LRMDA: variants seen among roughly 807,000 people sequenced by gnomAD.
LRMDA encodes leucine-rich melanocyte differentiation-associated protein.
Under a neutral mutation model 29.8 loss-of-function variants are expected in LRMDA, and 18 were observed. The observed-to-expected ratio is 0.60, with a 90% CI of 0.42 to 0.90. The LOEUF (loss-of-function observed/expected upper bound fraction) is 0.90. Ranked by LOEUF, LRMDA falls within the 40% of genes least tolerant of loss-of-function variation. The pLI is 0.00. For missense variants in LRMDA, 273 were observed against 273.9 expected, an observed-to-expected ratio of 1.00 and a Z score of 0.02; for synonymous variants, 125 against 109.4, an observed-to-expected ratio of 1.14 and a Z score of -0.89.
At chr10:76,507,701 T>C (rs1342055915) in intron 6 of LRMDA, among the ~76,000 whole-genome samples, 1 of 152,168 alleles carries the variant, frequency 6.6e-6, no homozygotes, top group Non-Finnish European at 1.5e-5. Context: ...CTAATTTTAT[T>C]GTTCTGCATA....
At chr10:76,379,029 A>G (rs1256794102) in intron 6 of LRMDA, among the ~76,000 whole-genome samples, 2 of 150,802 alleles carry the variant, frequency 1.3e-5, no homozygotes, top group African/African-American at 2.4e-5. Context: ...GCTACTTTTT[A>G]TATTTTTAGT....
chr10:75,931,213 G>T (rs1016496736), intron 2 of LRMDA, among the ~76,000 whole-genome samples: 2 of 152,178 alleles, frequency 1.3e-5, no homozygotes, highest in East Asian at 1.9e-4. Flanking sequence ...ACGGTCTGAA[G>T]ATGTCATGGG....
intron 6 of LRMDA, among the ~76,000 whole-genome samples, chr10:76,493,285 C>T (rs1386926398): frequency 6.6e-6 from 1 of 151,962 alleles, no homozygotes; most frequent in African/African-American, 2.4e-5. Context: ...TCACCATTAC[C>T]ACAGGCCCAT....
intron 2 of LRMDA, among the ~76,000 whole-genome samples, chr10:75,711,739 A>G (rs1842438506): frequency 6.6e-6 from 1 of 152,160 alleles, no homozygotes; most frequent in Admixed American, 6.5e-5. Flanking sequence ...TTTGAATTAC[A>G]AGCACATACT....
intron 6 of LRMDA, among the ~76,000 whole-genome samples, chr10:76,493,808 A>G (rs1312393187): frequency 1.3e-5 from 2 of 152,072 alleles, no homozygotes; most frequent in Admixed American, 1.3e-4. Flanking sequence ...ATTGTCTTAA[A>G]TCTATAGAAA....
intron 2 of LRMDA, among the ~76,000 whole-genome samples, chr10:75,572,074 C>T (rs1404065421): frequency 2.0e-5 from 3 of 152,126 alleles, no homozygotes; most frequent in African/African-American, 7.2e-5. Context: ...TTGCCTCAGC[C>T]TCCTGAGTAG....
intron 6 of LRMDA, among the ~76,000 whole-genome samples, chr10:76,479,716 TG>T (rs1842717000): frequency 6.6e-6 from 1 of 151,952 alleles, no homozygotes; most frequent in Admixed American, 6.6e-5. Flanking sequence ...TCAAAAAATT[TG>T]CTTTGATTTA....
At chr10:75,651,608 G>A (rs1436264375) in intron 2 of LRMDA, among the ~76,000 whole-genome samples, 1 of 152,188 alleles carries the variant, frequency 6.6e-6, no homozygotes, top group East Asian at 1.9e-4. Flanking sequence ...TTCAAGCTGT[G>A]TTAGAAGAGG....
chr10:75,538,303 C>T (rs775280745), intron 2 of LRMDA, among the ~76,000 whole-genome samples: 1 of 152,110 alleles, frequency 6.6e-6, no homozygotes, highest in East Asian at 1.9e-4. Flanking sequence ...AGCGGTGCAG[C>T]GATTTGGCCG....
At chr10:75,681,491 C>T (rs536651711) in intron 2 of LRMDA, among the ~76,000 whole-genome samples, 4 of 152,260 alleles carry the variant, frequency 2.6e-5, no homozygotes, top group East Asian at 3.9e-4. Context: ...TGCAGGACAG[C>T]CAGCCTTGAT....
At chr10:76,233,745 C>G (rs1321582186) in intron 5 of LRMDA, among the ~76,000 whole-genome samples, 2 of 152,178 alleles carry the variant, frequency 1.3e-5, no homozygotes, top group Admixed American at 6.5e-5. Context: ...TTTCTTTGCT[C>G]ATCTATAAGG....
At position 75,526,860 on chromosome 10, in the gene LRMDA, A is replaced by C. The variant is rs79747025; in HGVS notation, c.131+88366A>C. 6.4e-5 allele frequency among the ~76,000 whole-genome samples: 3 copies of C among 46,580 alleles called. No individual in the cohort carries two copies. In the African/African-American group the frequency reaches 6.9e-4, roughly 11 times the overall value. The allele number at this position is 46,580 out of a possible 152,430, so 30.6% of individuals were successfully genotyped here. A position where few individuals can be genotyped will look rare whatever the true frequency, so the allele number is the denominator to read the frequency against. ...GATGGCAGAGCAAGGCCCTATCTCA[A>C]AAAAAAAAAAAACAAAACATAATAT... On this transcript the variant is annotated intron_variant, in intron 2 of 6. Transcript: ENST00000611255.
At chr10:75,614,832 A>G (rs952338020) in intron 2 of LRMDA, among the ~76,000 whole-genome samples, 13 of 149,952 alleles carry the variant, frequency 8.7e-5, no homozygotes, top group African/African-American at 3.2e-4. Context: ...TATCCTTGTT[A>G]TAACCTGAGG....
At chr10:75,880,783 C>A (rs1845280884) in intron 2 of LRMDA, among the ~76,000 whole-genome samples, 1 of 152,218 alleles carries the variant, frequency 6.6e-6, no homozygotes, top group African/African-American at 2.4e-5. Flanking sequence ...CCATGTTCTT[C>A]CTGCAAGCCA....
At chr10:76,246,759 T>C (rs897304553) in intron 5 of LRMDA, among the ~76,000 whole-genome samples, 1 of 152,108 alleles carries the variant, frequency 6.6e-6, no homozygotes, top group Non-Finnish European at 1.5e-5. Flanking sequence ...ACAAGATGGC[T>C]TGAAGGAAGA....
intron 5 of LRMDA, among the ~76,000 whole-genome samples, chr10:76,129,323 C>T (rs1849943434): frequency 6.6e-6 from 1 of 152,202 alleles, no homozygotes; most frequent in South Asian, 2.1e-4. Context: ...CTTGACTTTT[C>T]AGGCCCACCT....
At chr10:75,605,157 C>T (rs577414275) in intron 2 of LRMDA, among the ~76,000 whole-genome samples, 1 of 152,280 alleles carries the variant, frequency 6.6e-6, no homozygotes, top group South Asian at 2.1e-4. Flanking sequence ...AAATACTGTG[C>T]AGTGGAAAAG....
intron 2 of LRMDA, among the ~76,000 whole-genome samples, chr10:75,621,133 C>T (rs1841177214): frequency 6.6e-6 from 1 of 151,974 alleles, no homozygotes; most frequent in Non-Finnish European, 1.5e-5. Flanking sequence ...TAATAGTCTC[C>T]AATTCCATCC....
intron 2 of LRMDA, among the ~76,000 whole-genome samples, chr10:75,569,041 T>C (rs965632440): frequency 2.6e-5 from 4 of 152,150 alleles, no homozygotes; most frequent in Non-Finnish European, 5.9e-5. Flanking sequence ...CTGGTGGGGC[T>C]CAATCCACTT....
Sources: gnomAD v4.1 joint callset for allele counts (sites outside exome capture counted in the v4.1 genomes callset) on GRCh38, gnomAD v4.1.1 for gene constraint, MANE v1.5 for transcripts, NCBI Gene and HGNC (gene_info 2026-07-23, HGNC 2026-07-21) for gene names.